Variants in KIF1A observed in about 807,000 individuals in gnomAD.
The protein encoded by KIF1A is kinesin-like protein KIF1A.
KIF1A carries 46 observed loss-of-function variants against 227.3 expected under a neutral mutation model. That is an observed-to-expected ratio of 0.20 (90% CI 0.16 to 0.26). KIF1A has a LOEUF of 0.26. Ranked by LOEUF, KIF1A falls within the 10% of genes least tolerant of loss-of-function variation. The probability of loss-of-function intolerance (pLI) is 1.00; values close to 1 mark genes in which losing one functional copy is unlikely to be tolerated. For missense variants in KIF1A, 1,683 were observed against 2,485.9 expected, an observed-to-expected ratio of 0.68 and a Z score of 6.87; for synonymous variants, 1,022 against 1,012.8, an observed-to-expected ratio of 1.01 and a Z score of -0.17.
chr2:240,789,775 G>A lies in KIF1A; in HGVS notation c.107-463C>T, dbSNP rs539122214. On this transcript the variant is annotated intron_variant, in intron 2 of 48. Coordinates refer to ENST00000498729, the MANE Select transcript of KIF1A (RefSeq NM_001244008.2). This position sits in a 1 kb window ranked among gnomAD's most constrained non-coding sequence, Gnocchi z 4.8. The stretch of plus-strand genomic sequence containing the variant: ...TGGGCGTCCATCACGTTTGTGTTAC[G>A]CCTGTGCGGTTCTTCTAGGCTTGCT... 2.6e-5 allele frequency among the ~76,000 whole-genome samples: 4 copies of A among 152,214 alleles called. No individual in the cohort carries two copies. The highest frequency in any genetic ancestry group is 6.5e-5 in the Admixed American group (1 of 15,302).
At chr2:240,754,348 C>T (rs2049581499) in intron 27 of KIF1A, among the ~76,000 whole-genome samples, 1 of 91,770 alleles carries the variant, frequency 1.1e-5, no homozygotes, top group Admixed American at 9.9e-5. Context: ...GGCTCTAGTG[C>T]TGGGTGCTCT....
At position 240,790,705 on chromosome 2, in the gene KIF1A, A is replaced by C. The variant is rs2126107200; in HGVS notation, c.107-1393T>G. ...TAGTGCTGCCATGTCCTTATAAAAG[A>C]GGAGATTTGGAGACAGGGAGGGTGC... On this transcript the variant is annotated intron_variant, in intron 2 of 48. Coordinates refer to ENST00000498729, the MANE Select transcript of KIF1A (RefSeq NM_001244008.2). This position sits in a 1 kb window ranked among gnomAD's most constrained non-coding sequence, Gnocchi z 5.0. Among the ~76,000 whole-genome samples, 1 of 152,190 alleles carries C rather than the reference A, an allele frequency of 6.6e-6. No homozygotes were observed. The highest frequency in any genetic ancestry group is 6.5e-5 in the Admixed American group (1 of 15,296).
intron 44 of KIF1A, 120 bp downstream of exon 44, chr2:240,721,687 G>T: frequency 1.2e-6 from 1 of 815,444 alleles, no homozygotes; most frequent in Non-Finnish European, 2.0e-6. Context: ...GCACTGAGAC[G>T]TGTTCCTAGG....
At chr2:240,773,350 T>TGGCAGCCAAAGGTGGACC in intron 12 of KIF1A, 94 bp from the exon 13 acceptor site, 1 of 1,506,134 alleles carries the variant, frequency 6.6e-7, no homozygotes, top group Non-Finnish European at 9.1e-7. Context: ...GACCCAGCCT[T>TGGCAGCCAAAGGTGGACC]TTGGGCTCAG....
chr2:240,762,641 C>T lies in KIF1A; in HGVS notation c.2116+78G>A. 6.3e-6 allele frequency: 9 copies of T among 1,425,462 alleles called. No homozygotes were observed. In the South Asian group the frequency reaches 1.3e-4, roughly 20 times the overall value. 88.3% of individuals were successfully genotyped at this position (1,425,462 alleles called of 1,614,324 possible). ...GGCAAAAGTGCTGACCAGTGACCTC[C>T]AGGGAGAGGCCCAGGGCTGCCCACC... On this transcript the variant is annotated intron_variant, in intron 23 of 48. Coordinates refer to ENST00000498729, the MANE Select transcript of KIF1A (RefSeq NM_001244008.2).
At chr2:240,750,815 G>A (rs1283346359) in intron 27 of KIF1A, among the ~76,000 whole-genome samples, 5 of 152,186 alleles carry the variant, frequency 3.3e-5, no homozygotes, top group Non-Finnish European at 5.9e-5. Flanking sequence ...GCCCGGACCT[G>A]GCTGCCTGAG....
intron 1 of KIF1A, among the ~76,000 whole-genome samples, chr2:240,814,111 A>C (rs901428283): frequency 6.6e-6 from 1 of 152,074 alleles, no homozygotes; most frequent in Non-Finnish European, 1.5e-5. Context: ...AAACAGACCA[A>C]CCCATGAATT....
At chr2:240,773,863 A>G (rs2052364426) in intron 12 of KIF1A, among the ~76,000 whole-genome samples, 1 of 151,982 alleles carries the variant, frequency 6.6e-6, no homozygotes, top group African/African-American at 2.4e-5. Context: ...CTATCTAAAA[A>G]TCCCCAGTGG....
chr2:240,729,864 C>T (rs2046410899), intron 38 of KIF1A, among the ~76,000 whole-genome samples: 1 of 152,224 alleles, frequency 6.6e-6, no homozygotes, highest in Non-Finnish European at 1.5e-5. Flanking sequence ...GTCCCCTCCC[C>T]CAGGTGCCAA....
In KIF1A at chr2:240,716,039, C is replaced by T. The variant is rs778141448; in HGVS notation, c.*1325G>A. The stretch of plus-strand genomic sequence containing the variant: ...AGACTCTCAGCTTGGGGCTGACCCC[C>T]GTCCTGTCCTGGGTGGCCCTCGGAC... On this transcript the variant is annotated 3_prime_UTR_variant, in exon 49 of 49. Coordinates refer to ENST00000498729, the MANE Select transcript of KIF1A (RefSeq NM_001244008.2). 6 of 152,338 alleles carry T rather than the reference C, an allele frequency of 3.9e-5. No individual in the cohort carries two copies. The highest frequency in any genetic ancestry group is 5.9e-5 in the Non-Finnish European group (4 of 68,094). 9.4% of individuals were successfully genotyped at this position (152,338 alleles called of 1,614,324 possible). A position where few individuals can be genotyped will look rare whatever the true frequency, so the allele number is the denominator to read the frequency against.
rs570860298 is a variant in KIF1A, at chr2:240,747,468, G to A, written c.2978-147C>T. The stretch of plus-strand genomic sequence containing the variant: ...ACCCCTGACCGAATCTGCCACCCGT[G>A]GCTCAGTGACAACCAGGGCATGTCC... On this transcript the variant is annotated intron_variant, in intron 28 of 48. Coordinates refer to ENST00000498729, the MANE Select transcript of KIF1A (RefSeq NM_001244008.2). 96 of 626,984 alleles carry A rather than the reference G, an allele frequency of 1.5e-4. 2 individuals are homozygous for A. In the South Asian group the frequency reaches 1.8e-3, roughly 12 times the overall value. 38.8% of individuals were successfully genotyped at this position (626,984 alleles called of 1,614,324 possible). A position where few individuals can be genotyped will look rare whatever the true frequency, so the allele number is the denominator to read the frequency against.
chr2:240,719,875 T>C lies in KIF1A; in HGVS notation c.4920A>G (p.Pro1640=). 6.2e-7 allele frequency: 1 copy of C among 1,611,918 alleles called. No individual in the cohort carries two copies. Among genetic ancestry groups the C allele is most frequent in the Non-Finnish European group, 8.5e-7 (1 of 1,179,446 alleles). Reference sequence around the variant, plus strand: ...AAGGGAGCTTCTTGGAGTCGGCCTCTGGCAGCAGCTCGGGCTCTGGGCTGG... The same window carrying C: ...AAGGGAGCTTCTTGGAGTCGGCCTCCGGCAGCAGCTCGGGCTCTGGGCTGG... ...RPASPEPELL[P]EADSKKLPSP... The change falls in exon 46 of 49, where the codon CCA becomes CCG. Residue 1640 remains proline, a synonymous_variant. Transcript: ENST00000498729.
intron 31 of KIF1A, 84 bp from the exon 32 acceptor site, chr2:240,745,601 C>T (rs1396225775): frequency 1.1e-5 from 16 of 1,470,972 alleles, no homozygotes; most frequent in Non-Finnish European, 1.2e-5. Flanking sequence ...CACACGAGGG[C>T]GCTGGGGCGT....
At chr2:240,763,792 C>G (rs1376344081) in intron 20 of KIF1A, among the ~76,000 whole-genome samples, 2 of 152,212 alleles carry the variant, frequency 1.3e-5, no homozygotes, top group African/African-American at 4.8e-5. Flanking sequence ...GTCTCCCCGA[C>G]TAGACTGGAA....
intron 48 of KIF1A, 115 bp from the exon 49 acceptor site, chr2:240,717,521 C>T (rs535790499): frequency 8.0e-4 from 713 of 894,938 alleles, no homozygotes; most frequent in Non-Finnish European, 1.2e-3. Context: ...CCCATGTCCC[C>T]GCTGGTTCCC....
intron 1 of KIF1A, among the ~76,000 whole-genome samples, chr2:240,814,042 G>A (rs1349872072): frequency 6.6e-6 from 1 of 152,104 alleles, no homozygotes. Context: ...CCTAGAAAAG[G>A]CAGTCAAAGG....
In KIF1A at chr2:240,776,406, C is replaced by T. The variant is rs1254740886; in HGVS notation, c.883-480G>A. ...TTACCTCCCTGCCAGCTTAAATCTC[C>T]CCTTCACCCAGAGTTCACCCGCCCT... On this transcript the variant is annotated intron_variant, in intron 10 of 48. Transcript: ENST00000498729. Among the ~76,000 whole-genome samples the T allele has an allele frequency of 2.0e-5, 3 of 152,346 alleles. No homozygotes were observed. The East Asian group carries it at 5.8e-4, about 29-fold the overall frequency.
intron 10 of KIF1A, among the ~76,000 whole-genome samples, chr2:240,779,176 T>A (rs187157906): frequency 1.4e-5 from 2 of 139,292 alleles, no homozygotes; most frequent in East Asian, 4.4e-4. Context: ...AGTTCCACAC[T>A]CAGTCCCTCA....
intron 20 of KIF1A, 96 bp downstream of exon 20, chr2:240,765,614 G>A (rs374385217): frequency 7.6e-5 from 75 of 987,898 alleles, no homozygotes; most frequent in Non-Finnish European, 1.0e-4. Flanking sequence ...CTGCCATCCC[G>A]CACAGTGCAC....
Sources: gnomAD v4.1 joint callset for allele counts (sites outside exome capture counted in the v4.1 genomes callset) on GRCh38, gnomAD v4.1.1 for gene constraint, Gnocchi (gnomAD v3.1) non-coding constraint, MANE v1.5 for transcripts, NCBI Gene and HGNC (gene_info 2026-07-23, HGNC 2026-07-21) for gene names.